The following MARK1 variants were observed in gnomAD, a reference collection of about 807,000 sequenced individuals.
MARK1 encodes serine/threonine-protein kinase MARK1.
In MARK1, 40 loss-of-function variants were observed where a neutral mutation model predicts 96.3. The observed-to-expected ratio is 0.42, with a 90% CI of 0.32 to 0.54. The LOEUF (loss-of-function observed/expected upper bound fraction) is 0.54, where lower values mean the gene tolerates loss of function less well. Among genes scored for constraint, MARK1 ranks in the 20% least tolerant of loss-of-function variants. MARK1 has a pLI of 0.16. For missense variants in MARK1, 719 were observed against 984.6 expected (o/e 0.73, Z 3.61); for synonymous variants, 317 against 341.2 (o/e 0.93, Z 0.78).
chr1:220,631,233 T>G (rs1667665891), intron 10 of MARK1, 99 bp downstream of exon 10: 1 of 615,848 alleles, frequency 1.6e-6, no homozygotes, highest in Non-Finnish European at 2.8e-6. Flanking sequence ...TAGGAAGCAA[T>G]TTTTATTTGA....
intron 13 of MARK1, among the ~76,000 whole-genome samples, chr1:220,650,162 T>C (rs1668795784): frequency 6.6e-6 from 1 of 152,112 alleles, no homozygotes; most frequent in Non-Finnish European, 1.5e-5. Context: ...TTCCTGGTGG[T>C]TGAGAGAGTT....
chr1:220,586,621 C>CT (rs1261503208), intron 3 of MARK1, among the ~76,000 whole-genome samples: 1 of 152,002 alleles, frequency 6.6e-6, no homozygotes, highest in African/African-American at 2.4e-5. Flanking sequence ...AACCTCTGTC[C>CT]TAATTGCTTG....
At chr1:220,599,602 CT>C (rs1194221063) in intron 4 of MARK1, among the ~76,000 whole-genome samples, 195 bp from the exon 5 acceptor site, 1 of 152,052 alleles carries the variant, frequency 6.6e-6, no homozygotes, top group Non-Finnish European at 1.5e-5. Flanking sequence ...GAAGTTGGTT[CT>C]AAATCACTTT....
intron 6 of MARK1, among the ~76,000 whole-genome samples, chr1:220,607,081 G>C (rs944565223): frequency 2.0e-5 from 3 of 152,070 alleles, no homozygotes; most frequent in Non-Finnish European, 2.9e-5. Flanking sequence ...AGCTTGATGG[G>C]GATGGCATTG....
At chr1:220,560,184 G>T (rs1384995391) in intron 1 of MARK1, among the ~76,000 whole-genome samples, 1 of 152,102 alleles carries the variant, frequency 6.6e-6, no homozygotes, top group Non-Finnish European at 1.5e-5. Flanking sequence ...GCCCCCCCAT[G>T]ATTCGTTTAT....
intron 13 of MARK1, among the ~76,000 whole-genome samples, chr1:220,647,361 G>A (rs1443038446): frequency 6.6e-6 from 1 of 152,090 alleles, no homozygotes; most frequent in Non-Finnish European, 1.5e-5. Flanking sequence ...ACCATCTCAT[G>A]CCAGTCAGAA....
At chr1:220,644,263 C>T (rs781276391) in intron 13 of MARK1, among the ~76,000 whole-genome samples, 14 of 152,044 alleles carry the variant, frequency 9.2e-5, no homozygotes, top group Non-Finnish European at 1.8e-4. Context: ...GCAGGGGTTG[C>T]AATCCTAGTT....
chr1:220,557,640 C>T (rs926524411), intron 1 of MARK1, among the ~76,000 whole-genome samples: 3 of 151,012 alleles, frequency 2.0e-5, no homozygotes, highest in Non-Finnish European at 4.4e-5. Flanking sequence ...GTTTGAATTA[C>T]AAAAAAAATA....
rs879902580 is a variant in MARK1, at chr1:220,528,389, C to G, written c.-434C>G. On this transcript the variant is annotated 5_prime_UTR_variant, in exon 1 of 18. Coordinates refer to ENST00000366917, the MANE Select transcript of MARK1 (RefSeq NM_018650.5). The stretch of plus-strand genomic sequence containing the variant: ...CGGGGCGCGGCGCGGGTGACGCTGT[C>G]AGGGCCGCGGTTCCTGACGCCCAGG... 1.8e-5 allele frequency: 3 copies of G among 162,658 alleles called. No homozygotes were observed. Among genetic ancestry groups the G allele is most frequent in the East Asian group, 3.5e-4 (2 of 5,702 alleles). 10.1% of individuals were successfully genotyped at this position (162,658 alleles called of 1,614,324 possible).
At chr1:220,555,714 G>A (rs773565480) in intron 1 of MARK1, among the ~76,000 whole-genome samples, 9 of 152,160 alleles carry the variant, frequency 5.9e-5, no homozygotes, top group African/African-American at 1.9e-4. Context: ...GTGCCTATTC[G>A]ATATCCATAT....
intron 1 of MARK1, among the ~76,000 whole-genome samples, chr1:220,559,834 A>G (rs1336312024): frequency 6.6e-6 from 1 of 152,172 alleles, no homozygotes; most frequent in Non-Finnish European, 1.5e-5. Context: ...GGGATGTAAG[A>G]AGACAGAGGA....
chr1:220,602,192 A>T (rs1052441374), intron 5 of MARK1, among the ~76,000 whole-genome samples: 2 of 152,228 alleles, frequency 1.3e-5, no homozygotes, highest in African/African-American at 4.8e-5. Context: ...TGGTTCACTA[A>T]TGGAATGAAA....
chr1:220,558,551 C>T (rs906171358), intron 1 of MARK1, among the ~76,000 whole-genome samples: 2 of 151,780 alleles, frequency 1.3e-5, no homozygotes, highest in Non-Finnish European at 2.9e-5. Flanking sequence ...AAGAATCTGA[C>T]ATATCAATAT....
intron 4 of MARK1, 73 bp downstream of exon 4, chr1:220,598,452 T>C (rs1665524869): frequency 9.3e-6 from 2 of 214,018 alleles, no homozygotes; most frequent in African/African-American, 2.4e-5. Context: ...AATTTGAGGG[T>C]ATTTGAAAAG....
At chr1:220,558,178 T>TAATA (rs1240086683) in intron 1 of MARK1, among the ~76,000 whole-genome samples, 2 of 141,446 alleles carry the variant, frequency 1.4e-5, no homozygotes, top group African/African-American at 5.1e-5. Flanking sequence ...ATAATAATAA[T>TAATA]ATGGGAAATG....
chr1:220,533,004 CTT>C (rs57552621), intron 1 of MARK1, among the ~76,000 whole-genome samples: 17 of 53,996 alleles, frequency 3.1e-4, no homozygotes, highest in East Asian at 2.4e-3. Flanking sequence ...AGTGTGAACC[CTT>C]TTTTTTAAAA....
intron 7 of MARK1, among the ~76,000 whole-genome samples, chr1:220,617,703 A>T (rs908059163): frequency 6.6e-6 from 1 of 152,222 alleles, no homozygotes; most frequent in East Asian, 1.9e-4. Context: ...CTAGTTTTAG[A>T]ACAGCAAAAA....
In MARK1 at chr1:220,528,808, C is replaced by T. The variant is rs530048328; in HGVS notation, c.-15C>T. On this transcript the variant is annotated 5_prime_UTR_variant, in exon 1 of 18. Transcript: ENST00000366917. ...GGCCGGCGAGACCCCGGCCAGACCCCGCTGCCCGCACAAAATGTCGGCCCG... is the reference window on the plus strand; with the variant it reads ...GGCCGGCGAGACCCCGGCCAGACCCTGCTGCCCGCACAAAATGTCGGCCCG... 125 of 1,551,030 alleles carry T rather than the reference C, an allele frequency of 8.1e-5. 2 individuals are homozygous for T. The Admixed American group carries it at 1.0e-3, about 13-fold the overall frequency.
Position 220,642,286 on chromosome 1 carries a change from A to AT in MARK1, c.1470+6264dup, listed in dbSNP as rs377289169. Among the ~76,000 whole-genome samples the AT allele has an allele frequency of 4.3e-3, 655 of 152,266 alleles. 7 individuals are homozygous for AT. Among genetic ancestry groups the AT allele is most frequent in the African/African-American group, 0.015 (621 of 41,568 alleles). ...GCCATTACTGCAGCTCTAGTCAGTG[A>AT]TTTTCCCCTGCCAGTGTTAGGGAGG... On this transcript the variant is annotated intron_variant, in intron 13 of 17. Coordinates refer to ENST00000366917, the MANE Select transcript of MARK1 (RefSeq NM_018650.5).
Sources: gnomAD v4.1 joint callset for allele counts (sites outside exome capture counted in the v4.1 genomes callset) on GRCh38, gnomAD v4.1.1 for gene constraint, MANE v1.5 for transcripts, NCBI Gene and HGNC (gene_info 2026-07-23, HGNC 2026-07-21) for gene names.